CAPN5: variants seen among roughly 807,000 people sequenced by gnomAD.
The protein encoded by CAPN5 is calpain 5, also known as calpain-5.
A neutral mutation model predicts 73.0 loss-of-function variants in CAPN5; 54 were observed. The observed-to-expected ratio is 0.74, with a 90% CI of 0.59 to 0.93. The LOEUF (loss-of-function observed/expected upper bound fraction) is 0.93, where lower values mean the gene tolerates loss of function less well. CAPN5 is among the 40% of genes least tolerant of loss of function. CAPN5 has a pLI of 0.00. For missense variants in CAPN5, 785 were observed against 882.9 expected (o/e 0.89, Z 1.41); for synonymous variants, 335 against 356.9 (o/e 0.94, Z 0.69).
chr11:77,100,980 A>G (rs1057332971), intron 3 of CAPN5, among the ~76,000 whole-genome samples: 43 of 151,478 alleles, frequency 2.8e-4, no homozygotes, highest in African/African-American at 1.0e-3. Flanking sequence ...CTCTGACCTC[A>G]CCTTCCAGCC....
intron 3 of CAPN5, among the ~76,000 whole-genome samples, chr11:77,100,890 C>T (rs1384911190): frequency 1.3e-5 from 2 of 152,200 alleles, no homozygotes; most frequent in Non-Finnish European, 2.9e-5. Context: ...CACCTTCAGC[C>T]GCCTCAGTCA....
intron 3 of CAPN5, among the ~76,000 whole-genome samples, chr11:77,102,266 C>A (rs1950293073): frequency 6.6e-6 from 1 of 152,132 alleles, no homozygotes; most frequent in Non-Finnish European, 1.5e-5. Context: ...GTTTGGGAAG[C>A]AGAATCGACA....
chr11:77,098,234 C>A (rs1474198461), intron 3 of CAPN5, among the ~76,000 whole-genome samples: 1 of 83,308 alleles, frequency 1.2e-5, no homozygotes, highest in Non-Finnish European at 2.4e-5. Flanking sequence ...GGGGCTGACC[C>A]CCCCCACCTC....
At chr11:77,119,276 G>A in intron 9 of CAPN5, 124 bp downstream of exon 9, 2 of 1,119,094 alleles carry the variant, frequency 1.8e-6, no homozygotes, top group Non-Finnish European at 2.5e-6. Context: ...GGCTGCCGTG[G>A]CAGACATTGT....
At chr11:77,083,727 A>G (rs976926151) in intron 1 of CAPN5, among the ~76,000 whole-genome samples, 10 of 152,290 alleles carry the variant, frequency 6.6e-5, no homozygotes, top group African/African-American at 2.4e-4. Flanking sequence ...GACTCCTTCC[A>G]GGAGGTGCAG....
At chr11:77,098,422 G>T (rs1950239664) in intron 3 of CAPN5, among the ~76,000 whole-genome samples, 1 of 108,334 alleles carries the variant, frequency 9.2e-6, no homozygotes, top group Non-Finnish European at 1.9e-5. Context: ...GCCGGGCAGA[G>T]GGGCTCCTCA....
chr11:77,078,901 G>A lies in CAPN5; in HGVS notation c.-35-5951G>A, dbSNP rs539093218. Reference sequence around the variant, plus strand: ...TAGTGTGTTGTTAGTATATAAAAATGCTACTGATTTCTGTGTATTCCTTCT... The same window carrying A: ...TAGTGTGTTGTTAGTATATAAAAATACTACTGATTTCTGTGTATTCCTTCT... On this transcript the variant is annotated intron_variant, in intron 1 of 12. Coordinates refer to ENST00000648180, the MANE Select transcript of CAPN5 (RefSeq NM_004055.5). 2.3e-4 allele frequency among the ~76,000 whole-genome samples: 35 copies of A among 152,142 alleles called. 1 individual carries two copies. In the South Asian group the frequency reaches 6.8e-3, roughly 30 times the overall value.
chr11:77,102,566 C>T (rs1950296974), intron 3 of CAPN5, among the ~76,000 whole-genome samples: 1 of 152,256 alleles, frequency 6.6e-6, no homozygotes, highest in South Asian at 2.1e-4. Flanking sequence ...ACATCAGCGA[C>T]CTGGTCCCCA....
chr11:77,125,336 C>T lies in CAPN5; in HGVS notation c.*1466C>T, dbSNP rs1275176981. The T allele has an allele frequency of 9.8e-5, 15 of 152,648 alleles. No homozygotes were observed. Among genetic ancestry groups the T allele is most frequent in the African/African-American group, 3.4e-4 (14 of 41,450 alleles). 9.5% of individuals were successfully genotyped at this position (152,648 alleles called of 1,614,324 possible). On this transcript the variant is annotated 3_prime_UTR_variant, in exon 13 of 13. Coordinates refer to ENST00000648180, the MANE Select transcript of CAPN5 (RefSeq NM_004055.5). ...TCCTCACTCTGTGTCTGGCTTTGCT[C>T]CTGGGTCTTGGCCCTGGGCCATATG...
At chr11:77,115,680 C>A in intron 6 of CAPN5, 92 bp downstream of exon 6, 3 of 1,004,580 alleles carry the variant, frequency 3.0e-6, no homozygotes, top group Non-Finnish European at 3.0e-6. Context: ...TGGGGCTGGG[C>A]CTTGAAGGAT....
At chr11:77,118,124 G>A in intron 7 of CAPN5, 33 bp from the exon 8 acceptor site, 1 of 1,583,946 alleles carries the variant, frequency 6.3e-7, no homozygotes. Flanking sequence ...AGGTGTGGGG[G>A]AGGTACCCTG....
chr11:77,085,554 T>A (rs1403821834), intron 2 of CAPN5, among the ~76,000 whole-genome samples: 1 of 152,150 alleles, frequency 6.6e-6, no homozygotes, highest in East Asian at 1.9e-4. Context: ...AGAGTGGTTG[T>A]GAGAATTAAA....
intron 3 of CAPN5, among the ~76,000 whole-genome samples, chr11:77,100,340 C>CA (rs1394523919): frequency 3.3e-5 from 5 of 152,076 alleles, no homozygotes; most frequent in African/African-American, 1.2e-4. Context: ...CCACAAGCCT[C>CA]AGTCCACCCC....
At chr11:77,073,178 T>G in intron 1 of CAPN5, 6 of 1,118,082 alleles carry the variant, frequency 5.4e-6, no homozygotes, top group Non-Finnish European at 7.2e-6. Context: ...GACTGTGGGT[T>G]TCCTGGATGT....
At chr11:77,071,758 C>A in intron 1 of CAPN5, 1 of 408,826 alleles carries the variant, frequency 2.4e-6, no homozygotes, top group South Asian at 1.6e-5. Flanking sequence ...GGGGAGCAGG[C>A]GCTGGCATTC....
chr11:77,108,901 C>G (rs1950381275), intron 3 of CAPN5, among the ~76,000 whole-genome samples: 1 of 152,072 alleles, frequency 6.6e-6, no homozygotes, highest in African/African-American at 2.4e-5. Context: ...GTTGATTGCT[C>G]TTTCATCTTT....
chr11:77,105,705 A>G (rs1282267509), intron 3 of CAPN5, among the ~76,000 whole-genome samples: 1 of 152,202 alleles, frequency 6.6e-6, no homozygotes, highest in African/African-American at 2.4e-5. Flanking sequence ...GGTTCTGTGA[A>G]GGTCCTTCCA....
chr11:77,107,082 G>A (rs374997510), intron 3 of CAPN5, among the ~76,000 whole-genome samples: 8 of 152,292 alleles, frequency 5.3e-5, no homozygotes, highest in Non-Finnish European at 8.8e-5. Context: ...GTGGTGCATC[G>A]ACACCCTGGT....
At chr11:77,088,182 G>C (rs782746253) in intron 2 of CAPN5, 24 of 1,074,240 alleles carry the variant, frequency 2.2e-5, no homozygotes, top group Non-Finnish European at 2.8e-5. Flanking sequence ...AAGGTGGGGT[G>C]GGGGAGGGGG....
Sources: gnomAD v4.1 joint callset for allele counts (sites outside exome capture counted in the v4.1 genomes callset) on GRCh38, gnomAD v4.1.1 for gene constraint, MANE v1.5 for transcripts, NCBI Gene and HGNC (gene_info 2026-07-23, HGNC 2026-07-21) for gene names.